The following ROBO2 variants were observed in gnomAD, a reference collection of about 807,000 sequenced individuals.
ROBO2 encodes roundabout homolog 2.
A neutral mutation model predicts 160.8 loss-of-function variants in ROBO2; 53 were observed. That is an observed-to-expected ratio of 0.33 (90% CI 0.26 to 0.41). The LOEUF is 0.41. Among genes scored for constraint, ROBO2 ranks in the 10% least tolerant of loss-of-function variants. The pLI is 1.00. For synonymous variants in ROBO2, 664 were observed against 611.7 expected, an observed-to-expected ratio of 1.09 and a Z score of -1.26; for missense variants, 1,577 against 1,722.4, an observed-to-expected ratio of 0.92 and a Z score of 1.49.
chr3:76,002,473 G>A (rs686591), intron 2 of ROBO2, among the ~76,000 whole-genome samples: 111,599 of 151,852 alleles, frequency 0.73, 42,967 homozygotes, highest in South Asian at 0.89. Context: ...ATTGAATCAC[G>A]GGGGCAGTTT....
intron 2 of ROBO2, among the ~76,000 whole-genome samples, chr3:76,637,127 G>A (rs1218422221): frequency 6.6e-6 from 1 of 152,092 alleles, no homozygotes; most frequent in African/African-American, 2.4e-5. Context: ...GCCCAACTTT[G>A]GAACCAGTCA....
At chr3:76,330,573 C>G (rs1041032041) in intron 2 of ROBO2, among the ~76,000 whole-genome samples, 3 of 152,080 alleles carry the variant, frequency 2.0e-5, no homozygotes, top group African/African-American at 7.2e-5. Context: ...GTTTTAGAAT[C>G]TAAATGCAAT....
chr3:77,564,558 T>G, intron 11 of ROBO2: 1 of 436,938 alleles, frequency 2.3e-6, no homozygotes, highest in South Asian at 1.7e-5. Flanking sequence ...TGTAGTCCAT[T>G]TATTCTTTCT....
chr3:76,014,526 T>TG, intron 2 of ROBO2, among the ~76,000 whole-genome samples: 44 of 57,434 alleles, frequency 7.7e-4, no homozygotes, highest in African/African-American at 3.1e-3. Context: ...AAGCAATTGG[T>TG]GACTGGGCAC....
At chr3:76,929,216 C>G (rs552117810) in intron 2 of ROBO2, among the ~76,000 whole-genome samples, 2 of 152,136 alleles carry the variant, frequency 1.3e-5, no homozygotes, top group Non-Finnish European at 2.9e-5. Context: ...GCTGAGATTA[C>G]GCCATTGCAC....
chr3:76,311,698 A>G lies in ROBO2; in HGVS notation c.109+374096A>G, dbSNP rs531941200. On this transcript the variant is annotated intron_variant, in intron 2 of 26. Coordinates refer to the ROBO2 transcript ENST00000487694. ...CAGATGCATGCTTCTCTAGTGCAAG[A>G]ATATATGTGTTTTCCTTCGGAAGCC... is the stretch of plus-strand genomic sequence containing the variant. Among the ~76,000 whole-genome samples the G allele has an allele frequency of 1.1e-3, 166 of 152,328 alleles. 2 individuals carry two copies. Among genetic ancestry groups the G allele is most frequent in the Admixed American group, 2.1e-3 (32 of 15,300 alleles).
At chr3:77,093,696 A>G (rs2070648836) in intron 1 of ROBO2, among the ~76,000 whole-genome samples, 1 of 152,174 alleles carries the variant, frequency 6.6e-6, no homozygotes, top group Non-Finnish European at 1.5e-5. Flanking sequence ...ATTTTTAATA[A>G]CATTGTAAAA....
chr3:76,780,455 T>G (rs1467049980), intron 2 of ROBO2, among the ~76,000 whole-genome samples: 1 of 150,958 alleles, frequency 6.6e-6, no homozygotes, highest in East Asian at 2.0e-4. Flanking sequence ...TGTTTAGTTT[T>G]GCTTTGTTTG....
chr3:77,351,031 A>C (rs527692500), intron 2 of ROBO2, among the ~76,000 whole-genome samples: 14 of 152,294 alleles, frequency 9.2e-5, no homozygotes, highest in African/African-American at 3.1e-4. Flanking sequence ...CTCCCTTTTA[A>C]AGTCTTGAAT....
chr3:76,264,122 G>T (rs1383667708), intron 2 of ROBO2, among the ~76,000 whole-genome samples: 1 of 152,038 alleles, frequency 6.6e-6, no homozygotes. Flanking sequence ...TAATGCATGT[G>T]GGACTTAAAA....
intron 2 of ROBO2, among the ~76,000 whole-genome samples, chr3:76,201,699 A>C (rs2107255696): frequency 6.6e-6 from 1 of 152,236 alleles, no homozygotes; most frequent in African/African-American, 2.4e-5. Context: ...ACAGGTGTTC[A>C]TGGTGCACTG....
At chr3:76,229,379 A>G (rs928325558) in intron 2 of ROBO2, among the ~76,000 whole-genome samples, 3 of 151,092 alleles carry the variant, frequency 2.0e-5, no homozygotes, top group Non-Finnish European at 3.0e-5. Flanking sequence ...AAATTACAAT[A>G]ACTAATTTAG....
intron 2 of ROBO2, among the ~76,000 whole-genome samples, chr3:76,114,297 C>T (rs1466450698): frequency 3.3e-5 from 5 of 151,996 alleles, no homozygotes; most frequent in South Asian, 2.1e-4. Flanking sequence ...TTTAAGTGTT[C>T]GGTGGCTTTT....
chr3:76,928,097 T>A (rs897315230), intron 2 of ROBO2, among the ~76,000 whole-genome samples: 1 of 152,142 alleles, frequency 6.6e-6, no homozygotes, highest in Non-Finnish European at 1.5e-5. Flanking sequence ...GTTAGTTGCT[T>A]ATCAACTGAC....
chr3:76,011,814 A>AG (rs2066202416), intron 2 of ROBO2, among the ~76,000 whole-genome samples: 1 of 152,186 alleles, frequency 6.6e-6, no homozygotes, highest in African/African-American at 2.4e-5. Context: ...GTCTTTCAGC[A>AG]ATATCACCCA....
chr3:77,255,246 G>A (rs1374768805), intron 2 of ROBO2, among the ~76,000 whole-genome samples: 2 of 152,122 alleles, frequency 1.3e-5, no homozygotes, highest in East Asian at 3.8e-4. Flanking sequence ...CTTTCTTAAA[G>A]GCACCTGTAA....
At position 77,491,149 on chromosome 3, in the gene ROBO2, A is replaced by G. The variant is rs1370143518; in HGVS notation, c.668-2095A>G. Among the ~76,000 whole-genome samples, 4 of 152,214 alleles carry G rather than the reference A, an allele frequency of 2.6e-5. No individual in the cohort carries two copies. The East Asian group carries it at 7.8e-4, about 30-fold the overall frequency. On this transcript the variant is annotated intron_variant, in intron 4 of 25. Transcript: ENST00000461745. ...TTTCCCCAATGTAACTAACCTGCTC[A>G]CTATTCACCAGCTTGACCACTTAGT...
In ROBO2 at chr3:77,452,930, TG is replaced by T. The variant is rs564749991; in HGVS notation, c.389-24481del. ...TCACTTTTCCTGTTGATCCTTAAAA[TG>T]GGTATTTCTCAGGGTTCTTGTCAGG... On this transcript the variant is annotated intron_variant, in intron 2 of 25. Coordinates refer to ENST00000461745, the Ensembl canonical transcript of ROBO2. Among the ~76,000 whole-genome samples the T allele has an allele frequency of 1.7e-3, 256 of 152,288 alleles. 2 individuals are homozygous for T. Among genetic ancestry groups the T allele is most frequent in the African/African-American group, 5.9e-3 (247 of 41,574 alleles).
intron 2 of ROBO2, among the ~76,000 whole-genome samples, chr3:76,795,422 T>TG (rs2063624838): frequency 6.6e-6 from 1 of 152,168 alleles, no homozygotes; most frequent in Non-Finnish European, 1.5e-5. Flanking sequence ...GGTCAACTAA[T>TG]TTTATGTAGT....
Sources: allele counts gnomAD v4.1 joint callset (sites outside exome capture counted in the v4.1 genomes callset), GRCh38; gene constraint gnomAD v4.1.1; transcripts MANE v1.5; gene names NCBI Gene and HGNC (gene_info 2026-07-23, HGNC 2026-07-21).